CHAF1A: variants seen among roughly 807,000 people sequenced by gnomAD.
CHAF1A encodes CAF-1 subunit A.
Under a neutral mutation model 93.2 loss-of-function variants are expected in CHAF1A, and 5 were observed. That is an observed-to-expected ratio of 0.05 (90% CI 0.03 to 0.11). The LOEUF (loss-of-function observed/expected upper bound fraction) is 0.11. Ranked by LOEUF, CHAF1A falls within the 10% of genes least tolerant of loss-of-function variation. The pLI is 1.00. For missense variants in CHAF1A, 1,102 were observed against 1,259.9 expected, an observed-to-expected ratio of 0.87 and a Z score of 1.90; for synonymous variants, 504 against 510.3, an observed-to-expected ratio of 0.99 and a Z score of 0.17.
In CHAF1A at chr19:4,428,750, T is replaced by C. The variant is rs1974128508; in HGVS notation, c.1464T>C (p.His488=). The C allele has an allele frequency of 4.3e-6, 7 of 1,614,026 alleles. No individual in the cohort carries two copies. The highest frequency in any genetic ancestry group is 5.9e-6 in the Non-Finnish European group (7 of 1,180,024). ...CCCCTCGGCGTCGGACCGCTTTCCA[T>C]CCAGACCTCTGCAGTCAGCTGGACC... The part of the protein sequence containing the change: ...VLAPRRRTAF[H]PDLCSQLDQL... The change falls in exon 8 of 15, where the codon CAT becomes CAC. Residue 488 remains histidine (H), a synonymous_variant. Coordinates refer to ENST00000301280, the MANE Select transcript of CHAF1A (RefSeq NM_005483.3).
In CHAF1A at chr19:4,408,948, C is replaced by G; in HGVS notation, c.149C>G (p.Ala50Gly). The G allele has an allele frequency of 6.2e-7, 1 of 1,613,284 alleles. No individual in the cohort carries two copies. Among genetic ancestry groups the G allele is most frequent in the Non-Finnish European group, 8.5e-7 (1 of 1,179,832 alleles). The change falls in exon 3 of 15, where the codon GCC becomes GGC. Residue 50 changes from alanine to glycine, a missense_variant. By Grantham distance (60) the Ala-to-Gly change is moderately conservative (BLOSUM62 0). Transcript: ENST00000301280. ...CTGAATCTTGTCCCAAAGGGGAAAG[C>G]CGATGACATGTCAGACGATCAGGGT... Reference protein sequence around the residue: ...KRLNLVPKGKADDMSDDQGTS... With the variant: ...KRLNLVPKGKGDDMSDDQGTS...
At chr19:4,447,662 A>C (rs1974565355), downstream of CHAF1A, 1 of 1,609,710 alleles carries the variant, frequency 6.2e-7, no homozygotes, top group African/African-American at 1.3e-5. Flanking sequence ...GGCACAGCCC[A>C]GGCTGCCCAC....
chr19:4,408,318 G>A (rs988363512), intron 2 of CHAF1A, among the ~76,000 whole-genome samples: 3 of 150,116 alleles, frequency 2.0e-5, no homozygotes, highest in African/African-American at 4.9e-5. Context: ...TCAGTCTCCC[G>A]AGTAGCTGGG....
At chr19:4,427,210 C>T (rs1371257910) in intron 7 of CHAF1A, among the ~76,000 whole-genome samples, 1 of 118,068 alleles carries the variant, frequency 8.5e-6, no homozygotes, top group Non-Finnish European at 1.6e-5. Flanking sequence ...AGTACAGTGG[C>T]GTGATCTGGG....
chr19:4,447,829 G>A (rs1387954287), downstream of CHAF1A: 2 of 592,082 alleles, frequency 3.4e-6, no homozygotes, highest in Non-Finnish European at 3.0e-6. Flanking sequence ...CCTGGTGCCA[G>A]CAGGAGCCCC....
At chr19:4,416,120 TC>T (rs2145089381) in intron 3 of CHAF1A, among the ~76,000 whole-genome samples, 1 of 151,496 alleles carries the variant, frequency 6.6e-6, no homozygotes, top group Admixed American at 6.6e-5. Context: ...CTTGCAGTGA[TC>T]CGAGATGGCG....
rs1973601408 is a variant in CHAF1A at position 4,402,659 on chromosome 19, C to CGCG, written c.-98_-96dup. The CGCG allele has an allele frequency of 2.0e-6, 1 of 492,112 alleles. No homozygotes were observed. Among genetic ancestry groups the CGCG allele is most frequent in the East Asian group, 4.6e-5 (1 of 21,662 alleles). 30.5% of individuals were successfully genotyped at this position (492,112 alleles called of 1,614,324 possible). ...TCCCGCCAAATACGAGCGCGGCGGCCGCGGCGGCAGCAGCGGCGCGGGCGG... is the reference window on the plus strand; with the variant it reads ...TCCCGCCAAATACGAGCGCGGCGGCCGCGGCGGCGGCAGCAGCGGCGCGGGCGG... On this transcript the variant is annotated 5_prime_UTR_variant, in exon 1 of 15. Transcript: ENST00000301280.
downstream of CHAF1A, chr19:4,448,113 A>C (rs530406927): frequency 1.7e-6 from 1 of 597,624 alleles, no homozygotes; most frequent in East Asian, 2.8e-5. Context: ...CAACACCTTC[A>C]TTTTGCACAC....
chr19:4,428,111 G>A (rs549398339), intron 7 of CHAF1A, among the ~76,000 whole-genome samples: 4 of 151,078 alleles, frequency 2.6e-5, no homozygotes, highest in Non-Finnish European at 4.4e-5. Context: ...GCCTTCCTCC[G>A]CCTCCCAAAA....
downstream of CHAF1A, chr19:4,447,278 C>G: frequency 1.7e-6 from 1 of 572,122 alleles, no homozygotes. Flanking sequence ...TCCCCAGAGT[C>G]GACATGTTCC....
chr19:4,446,213 G>A, downstream of CHAF1A: 1 of 1,590,594 alleles, frequency 6.3e-7, no homozygotes, highest in Non-Finnish European at 8.5e-7. Flanking sequence ...GAGTGGGGGA[G>A]TCAGAGCGGG....
intron 4 of CHAF1A, among the ~76,000 whole-genome samples, chr19:4,421,514 T>C (rs243364): frequency 0.98 from 149,313 of 152,288 alleles, 73,207 homozygotes; most frequent in Non-Finnish European, 0.98. Flanking sequence ...CTGGGGCTCA[T>C]GCCTATAATT....
intron 13 of CHAF1A, among the ~76,000 whole-genome samples, chr19:4,437,841 G>T (rs532662996): frequency 3.9e-5 from 6 of 152,120 alleles, no homozygotes; most frequent in African/African-American, 1.4e-4. Flanking sequence ...CTGGGTTCAC[G>T]CCATTCTCCT....
At chr19:4,440,061 C>G (rs958601864) in intron 13 of CHAF1A, among the ~76,000 whole-genome samples, 1 of 152,236 alleles carries the variant, frequency 6.6e-6, no homozygotes, top group East Asian at 1.9e-4. Context: ...TGTGCTCTTA[C>G]ATGACAGCCC....
chr19:4,405,590 A>AGAGT (rs1194047931), intron 1 of CHAF1A, among the ~76,000 whole-genome samples: 1 of 151,340 alleles, frequency 6.6e-6, no homozygotes, highest in Non-Finnish European at 1.5e-5. Context: ...CCTGGGCGAC[A>AGAGT]GAGTGAGACT....
chr19:4,423,374 A>G lies in CHAF1A; in HGVS notation c.1287A>G (p.Lys429=). The G allele has an allele frequency of 6.2e-7, 1 of 1,614,082 alleles. No individual in the cohort carries two copies. The highest frequency in any genetic ancestry group is 8.5e-7 in the Non-Finnish European group (1 of 1,179,958). ...AAAAAAGGAAAAAGGAAGAAGAGAA[A>G]CGGTTAAGAGAAGAAGAGAAGGTAG... ...LEEKRKKEEE[K]RLREEEKRIK... Residue 429 remains lysine, a synonymous_variant, in exon 6 of 15, where the codon AAA becomes AAG. Coordinates refer to ENST00000301280, the MANE Select transcript of CHAF1A (RefSeq NM_005483.3).
downstream of CHAF1A, chr19:4,448,660 C>T (rs1488995100): frequency 5.5e-6 from 3 of 548,598 alleles, no homozygotes; most frequent in Non-Finnish European, 9.9e-6. Context: ...CTTCTCAAGG[C>T]TAGATCCATG....
chr19:4,408,927 A>G lies in CHAF1A; in HGVS notation c.128A>G (p.Asn43Ser). ...IQARLPFKRL[N>S]LVPKGKADDM... is the part of the protein sequence containing the mutation. ...GCCCGTCTGCCGTTTAAGCGCCTGA[A>G]TCTTGTCCCAAAGGGGAAAGCCGAT... The change falls in exon 3 of 15, where the codon AAT becomes AGT. Residue 43 changes from asparagine (N) to serine (S), a missense_variant. This residue lies in a region of CHAF1A where 28 missense variants were observed against 56.5 expected (regional missense o/e 0.50). Coordinates refer to ENST00000301280, the MANE Select transcript of CHAF1A (RefSeq NM_005483.3). 2 of 1,610,130 alleles carry G rather than the reference A, an allele frequency of 1.2e-6. No individual in the cohort carries two copies. The highest frequency in any genetic ancestry group is 1.7e-6 in the Non-Finnish European group (2 of 1,178,884).
At position 4,430,562 on chromosome 19, in the gene CHAF1A, A is replaced by G; in HGVS notation, c.1868A>G (p.Asp623Gly). 1 of 1,596,868 alleles carries G rather than the reference A, an allele frequency of 6.3e-7. No homozygotes were observed. The highest frequency in any genetic ancestry group is 8.6e-7 in the Non-Finnish European group (1 of 1,164,662). ...LSHSEGDDDD[D>G]MGEDEDEDDG... ...TCTCCTTTTGAGGATGATGATGACGACATGGGAGAGGATGAAGATGAGGAC... is the reference window on the plus strand; with the variant it reads ...TCTCCTTTTGAGGATGATGATGACGGCATGGGAGAGGATGAAGATGAGGAC... The change falls in exon 11 of 15, where the codon GAC becomes GGC. Residue 623 changes from aspartate to glycine, a missense_variant. Coordinates refer to ENST00000301280, the MANE Select transcript of CHAF1A (RefSeq NM_005483.3).
Sources: allele counts gnomAD v4.1 joint callset (sites outside exome capture counted in the v4.1 genomes callset), GRCh38; gene constraint gnomAD v4.1.1; regional missense constraint gnomAD v4.1.1; transcripts MANE v1.5; gene names NCBI Gene and HGNC (gene_info 2026-07-23, HGNC 2026-07-21).